CIBAR1: variants seen among roughly 807,000 people sequenced by gnomAD.
CIBAR1 encodes the protein CBY1-interacting BAR domain-containing protein 1.
In CIBAR1, 25 loss-of-function variants were observed where a neutral mutation model predicts 44.0. The ratio of observed to expected loss-of-function variants is 0.57; its 90% CI spans 0.41 to 0.79. CIBAR1 has a LOEUF of 0.79. CIBAR1 is among the 30% of genes least tolerant of loss of function. CIBAR1 has a pLI of 0.00. For missense variants in CIBAR1, 278 were observed against 344.8 expected (o/e 0.81, Z 1.53); for synonymous variants, 115 against 119.0 (o/e 0.97, Z 0.22).
In CIBAR1 at chr8:93,730,483, G is replaced by A. The variant is rs1811746230; in HGVS notation, c.*2186G>A. The A allele has an allele frequency of 6.6e-6, 1 of 152,182 alleles. No homozygotes were observed. Among genetic ancestry groups the A allele is most frequent in the South Asian group, 2.1e-4 (1 of 4,824 alleles). 9.4% of individuals were successfully genotyped at this position (152,182 alleles called of 1,614,324 possible). On this transcript the variant is annotated 3_prime_UTR_variant, in exon 9 of 9. Coordinates refer to ENST00000518322, the MANE Select transcript of CIBAR1 (RefSeq NM_145269.5). ...AGAGAATACACCTCCAGTGTACCTGGTATACCTTGAGGATAGGAGAGGAAA... is the reference window on the plus strand; with the variant it reads ...AGAGAATACACCTCCAGTGTACCTGATATACCTTGAGGATAGGAGAGGAAA...
At chr8:93,703,716 T>G (rs1401900921) in intron 3 of CIBAR1, 28 bp downstream of exon 3, 1 of 1,520,084 alleles carries the variant, frequency 6.6e-7, no homozygotes, top group Non-Finnish European at 8.9e-7. Flanking sequence ...CTCACTTAAC[T>G]GTGAGTTACT....
chr8:93,725,948 A>G (rs1317181758), intron 7 of CIBAR1: 1 of 156,898 alleles, frequency 6.4e-6, no homozygotes, highest in East Asian at 1.9e-4. Flanking sequence ...TCCAGATCCT[A>G]GTAAGGTTGG....
In CIBAR1 at chr8:93,700,590, C is replaced by A. The variant is rs1442192519; in HGVS notation, c.-58C>A. 13 of 1,452,502 alleles carry A rather than the reference C, an allele frequency of 9.0e-6. No homozygotes were observed. The East Asian group carries it at 3.0e-4, about 34-fold the overall frequency. The allele number at this position is 1,452,502 out of a possible 1,614,324, so 90.0% of individuals were successfully genotyped here. ...GCTTGCGCCCCAGCGCGCGCCCAGG[C>A]GCCTTGGAATCCCCGTCCTTGGGCC... On this transcript the variant is annotated 5_prime_UTR_variant, in exon 1 of 9. Coordinates refer to ENST00000518322, the MANE Select transcript of CIBAR1 (RefSeq NM_145269.5).
chr8:93,717,087 G>T (rs1042664651), intron 6 of CIBAR1, among the ~76,000 whole-genome samples: 1 of 152,192 alleles, frequency 6.6e-6, no homozygotes, highest in Non-Finnish European at 1.5e-5. Flanking sequence ...GGACCCAAGG[G>T]AACCTCCTCC....
chr8:93,721,092 T>C (rs1321675103), intron 7 of CIBAR1: 1 of 152,142 alleles, frequency 6.6e-6, no homozygotes, highest in Non-Finnish European at 1.5e-5. Flanking sequence ...TCATAGCTAG[T>C]AAGTAGCAGA....
intron 7 of CIBAR1, chr8:93,724,452 G>C: frequency 2.1e-6 from 1 of 469,740 alleles, no homozygotes; most frequent in South Asian, 1.6e-5. Context: ...AGCCTCCCAA[G>C]TAGCTGGAAT....
chr8:93,717,065 T>C (rs764623496), intron 6 of CIBAR1, among the ~76,000 whole-genome samples: 15 of 152,226 alleles, frequency 9.9e-5, no homozygotes, highest in Admixed American at 2.6e-4. Context: ...CCCAAGCTGG[T>C]CTGGGACACC....
At chr8:93,723,460 G>A (rs1024569496) in intron 7 of CIBAR1, among the ~76,000 whole-genome samples, 3 of 152,070 alleles carry the variant, frequency 2.0e-5, no homozygotes, top group African/African-American at 7.2e-5. Flanking sequence ...TCCGTGTCCT[G>A]AAGTTCTCTT....
Position 93,718,708 on chromosome 8 carries a change from T to C in CIBAR1, c.577T>C (p.Leu193=), listed in dbSNP as rs955833002. The change falls in exon 7 of 9, where the codon TTA becomes CTA. Residue 193 remains leucine (L), a synonymous_variant. Coordinates refer to ENST00000518322, the MANE Select transcript of CIBAR1 (RefSeq NM_145269.5). ...TTCTGAATTTATCACAATCGAAATG[T>C]TATTTCACGGCAAAGCTTTAGAGGT... ...IFSEFITIEM[L]FHGKALEVYT... is the part of the protein sequence containing the mutation. 13 of 1,563,944 alleles carry C rather than the reference T, an allele frequency of 8.3e-6. No homozygotes were observed. Among genetic ancestry groups the C allele is most frequent in the Admixed American group, 1.9e-5 (1 of 53,622 alleles).
chr8:93,719,856 T>A (rs544819570), intron 7 of CIBAR1: 7 of 152,108 alleles, frequency 4.6e-5, no homozygotes, highest in African/African-American at 1.2e-4. Flanking sequence ...CCCCATCTCA[T>A]CTCTAATATA....
At chr8:93,707,366 A>G in intron 4 of CIBAR1, 1 of 210,456 alleles carries the variant, frequency 4.8e-6, no homozygotes, top group Non-Finnish European at 1.0e-5. Flanking sequence ...ATGAAGCTAC[A>G]CATATCCCGG....
intron 2 of CIBAR1, chr8:93,702,143 G>C (rs977291477): frequency 2.9e-6 from 1 of 343,036 alleles, no homozygotes; most frequent in African/African-American, 2.2e-5. Context: ...TTAGAACTGC[G>C]TTGCTTTTTT....
chr8:93,702,556 AAGG>A (rs1367242398), intron 2 of CIBAR1: 1 of 455,886 alleles, frequency 2.2e-6, no homozygotes, highest in Non-Finnish European at 4.4e-6. Context: ...AGGCAACAAA[AAGG>A]AGAACAGAAA....
intron 4 of CIBAR1, among the ~76,000 whole-genome samples, chr8:93,706,367 A>G (rs1266218652): frequency 8.6e-6 from 1 of 115,890 alleles, no homozygotes; most frequent in Non-Finnish European, 1.6e-5. Context: ...AATGCTGGAA[A>G]ATTTATGACT....
chr8:93,727,305 T>C (rs974263589), intron 8 of CIBAR1: 15 of 816,568 alleles, frequency 1.8e-5, no homozygotes, highest in Admixed American at 3.2e-5. Flanking sequence ...TTATTTTGTT[T>C]TATATGTATG....
At chr8:93,708,345 G>A (rs980951359) in intron 5 of CIBAR1, among the ~76,000 whole-genome samples, 96 of 152,232 alleles carry the variant, frequency 6.3e-4, no homozygotes, top group African/African-American at 2.3e-3. Flanking sequence ...TGTTCTAGCA[G>A]ACGAGATGCT....
intron 7 of CIBAR1, chr8:93,719,839 A>C (rs1191144258): frequency 6.6e-6 from 1 of 152,180 alleles, no homozygotes; most frequent in African/African-American, 2.4e-5. Flanking sequence ...TGTTCAAGAC[A>C]TACTTTCCCC....
At chr8:93,702,348 G>A (rs959623233) in intron 2 of CIBAR1, 3 of 386,812 alleles carry the variant, frequency 7.8e-6, no homozygotes, top group Admixed American at 3.3e-5. Context: ...ATGATAACTG[G>A]GGACTTAATG....
At chr8:93,717,985 GTGAAGGAAA>G (rs892785559) in intron 6 of CIBAR1, among the ~76,000 whole-genome samples, 1 of 152,172 alleles carries the variant, frequency 6.6e-6, no homozygotes, top group African/African-American at 2.4e-5. Context: ...CGGTTTATCT[GTGAAGGAAA>G]TGATTGATTC....
Sources: allele counts gnomAD v4.1 joint callset (sites outside exome capture counted in the v4.1 genomes callset), GRCh38; gene constraint gnomAD v4.1.1; transcripts MANE v1.5; gene names NCBI Gene and HGNC (gene_info 2026-07-23, HGNC 2026-07-21).